KANK1: variants seen among roughly 807,000 people sequenced by gnomAD.
The protein encoded by KANK1 is KN motif and ankyrin repeat domain-containing protein 1.
In KANK1, 109 loss-of-function variants were observed where a neutral mutation model predicts 106.2. That is an observed-to-expected ratio of 1.03 (90% confidence interval 0.88 to 1.20). KANK1 has a LOEUF of 1.20. Ranked by LOEUF, KANK1 falls within the 50% of genes most tolerant of loss-of-function variation. The probability of loss-of-function intolerance (pLI) is 0.00; values close to 1 mark genes in which losing one functional copy is unlikely to be tolerated. For missense variants in KANK1, 2,399 were observed against 1,710.7 expected, an observed-to-expected ratio of 1.40 and a Z score of -7.10; for synonymous variants, 873 against 652.2, an observed-to-expected ratio of 1.34 and a Z score of -5.16.
chr9:741,163 T>G (rs1179509811), intron 9 of KANK1, among the ~76,000 whole-genome samples: 1 of 152,210 alleles, frequency 6.6e-6, no homozygotes, highest in East Asian at 1.9e-4. Context: ...TTGCCTTGCC[T>G]TTTGTCCATT....
chr9:635,919 C>T (rs1837027164), intron 1 of KANK1, among the ~76,000 whole-genome samples: 1 of 152,014 alleles, frequency 6.6e-6, no homozygotes, highest in African/African-American at 2.4e-5. Context: ...AGGTGATCCA[C>T]CTGCATCAGC....
At chr9:538,173 G>A (rs1260495463) in intron 1 of KANK1, among the ~76,000 whole-genome samples, 5 of 132,774 alleles carry the variant, frequency 3.8e-5, no homozygotes, top group South Asian at 2.2e-4. Flanking sequence ...CTTCTTTCTC[G>A]TCTGTAAAAA....
chr9:696,089 C>A (rs1257037762), intron 2 of KANK1, among the ~76,000 whole-genome samples: 1 of 152,114 alleles, frequency 6.6e-6, no homozygotes, highest in Non-Finnish European at 1.5e-5. Flanking sequence ...TCGAGACCAT[C>A]CTGGCTAACA....
intron 1 of KANK1, among the ~76,000 whole-genome samples, chr9:559,952 G>C (rs539599608): frequency 6.6e-6 from 1 of 152,264 alleles, no homozygotes; most frequent in East Asian, 1.9e-4. Context: ...ATAGTTATTT[G>C]TATTGTAGTT....
At chr9:687,256 G>C (rs1032126145) in intron 2 of KANK1, among the ~76,000 whole-genome samples, 2 of 151,996 alleles carry the variant, frequency 1.3e-5, no homozygotes, top group African/African-American at 4.8e-5. Flanking sequence ...GTCCTTCTTT[G>C]CCTTTTTCTC....
At chr9:735,271 A>G (rs2131933110) in intron 7 of KANK1, among the ~76,000 whole-genome samples, 1 of 152,232 alleles carries the variant, frequency 6.6e-6, no homozygotes, top group South Asian at 2.1e-4. Flanking sequence ...CAGTTATGAA[A>G]CTGTATGTTA....
At chr9:593,567 A>C in intron 1 of KANK1, among the ~76,000 whole-genome samples, 1 of 151,434 alleles carries the variant, frequency 6.6e-6, no homozygotes, top group East Asian at 1.9e-4. Flanking sequence ...TGGCAAAAAA[A>C]CCAGAGTAAC....
At chr9:657,778 A>G (rs1207646406) in intron 1 of KANK1, among the ~76,000 whole-genome samples, 2 of 152,120 alleles carry the variant, frequency 1.3e-5, no homozygotes, top group East Asian at 3.8e-4. Flanking sequence ...TCTAGGTCAG[A>G]CAGTTGACCT....
intron 1 of KANK1, among the ~76,000 whole-genome samples, chr9:552,059 C>G (rs1269379550): frequency 1.3e-5 from 2 of 151,852 alleles, no homozygotes; most frequent in African/African-American, 2.4e-5. Context: ...CTCAAAAAAA[C>G]AAAAATAAAG....
intron 2 of KANK1, among the ~76,000 whole-genome samples, chr9:710,104 G>A (rs1825522048): frequency 6.6e-6 from 1 of 152,052 alleles, no homozygotes; most frequent in Non-Finnish European, 1.5e-5. Flanking sequence ...ATTGAGTACG[G>A]TGTGCACTAT....
At chr9:561,275 T>A (rs1249306639) in intron 1 of KANK1, among the ~76,000 whole-genome samples, 1 of 152,212 alleles carries the variant, frequency 6.6e-6, no homozygotes, top group Non-Finnish European at 1.5e-5. Flanking sequence ...TAAACACACA[T>A]AAAATGGATA....
At chr9:508,598 C>T (rs979966535) in intron 1 of KANK1, among the ~76,000 whole-genome samples, 4 of 146,280 alleles carry the variant, frequency 2.7e-5, no homozygotes, top group Admixed American at 1.3e-4. Flanking sequence ...ACCGTTGTGC[C>T]AACTGTGGAT....
Position 603,898 on chromosome 9 carries a change from G to A in KANK1, c.-83-72992G>A, listed in dbSNP as rs540308048. Reference sequence around the variant, plus strand: ...CACTTGAACCCGGGAGGCAGAGGTTGCAGTGAGCCAAGATCACGTCACTGT... The same window carrying A: ...CACTTGAACCCGGGAGGCAGAGGTTACAGTGAGCCAAGATCACGTCACTGT... On this transcript the variant is annotated intron_variant, in intron 1 of 11. Transcript: ENST00000382297. Among the ~76,000 whole-genome samples the A allele has an allele frequency of 4.1e-5, 6 of 147,986 alleles. No individual in the cohort carries two copies. In the South Asian group the frequency reaches 1.1e-3, roughly 26 times the overall value.
chr9:633,458 A>AAAAAC (rs1209938717), intron 1 of KANK1, among the ~76,000 whole-genome samples: 2 of 152,102 alleles, frequency 1.3e-5, no homozygotes, highest in Non-Finnish European at 1.5e-5. Context: ...ACTCCGTCTC[A>AAAAAC]AAAACAAAAC....
At chr9:588,992 A>G (rs1824187827) in intron 1 of KANK1, among the ~76,000 whole-genome samples, 1 of 152,206 alleles carries the variant, frequency 6.6e-6, no homozygotes, top group South Asian at 2.1e-4. Context: ...ATCACAGTAG[A>G]AACTAAAGTG....
intron 1 of KANK1, among the ~76,000 whole-genome samples, chr9:673,193 G>A (rs1588788419): frequency 1.4e-5 from 2 of 143,898 alleles, no homozygotes; most frequent in Middle Eastern, 3.5e-3. Context: ...CCCAGTGACA[G>A]TGTCTTCTTT....
chr9:689,912 G>A (rs569719948), intron 2 of KANK1, among the ~76,000 whole-genome samples: 8 of 152,174 alleles, frequency 5.3e-5, no homozygotes, highest in African/African-American at 1.9e-4. Context: ...GCTTACCTGA[G>A]CCAGAAAGGG....
chr9:735,288 G>T (rs1255579067), intron 7 of KANK1, among the ~76,000 whole-genome samples: 1 of 152,162 alleles, frequency 6.6e-6, no homozygotes, highest in Non-Finnish European at 1.5e-5. Flanking sequence ...GTTATGCTCT[G>T]ATGTGGAATG....
At chr9:595,039 A>G (rs182063118) in intron 1 of KANK1, among the ~76,000 whole-genome samples, 1 of 152,108 alleles carries the variant, frequency 6.6e-6, no homozygotes, top group Non-Finnish European at 1.5e-5. Context: ...AAGAATTTTT[A>G]GAAAAGTTGC....
Sources: allele counts gnomAD v4.1 joint callset (sites outside exome capture counted in the v4.1 genomes callset), GRCh38; gene constraint gnomAD v4.1.1; transcripts MANE v1.5; gene names NCBI Gene and HGNC (gene_info 2026-07-23, HGNC 2026-07-21).